ITSN1: variants seen among roughly 807,000 people sequenced by gnomAD.
The protein encoded by ITSN1 is intersectin 1.
ITSN1 carries 58 observed loss-of-function variants against 239.8 expected under a neutral mutation model. The observed-to-expected ratio is 0.24, with a 90% CI of 0.20 to 0.30. ITSN1 has a LOEUF of 0.30. ITSN1 is among the 10% of genes least tolerant of loss of function. The pLI is 1.00. For synonymous variants in ITSN1, 780 were observed against 770.8 expected, an observed-to-expected ratio of 1.01 and a Z score of -0.20; for missense variants, 1,558 against 2,103.3, an observed-to-expected ratio of 0.74 and a Z score of 5.07.
intron 1 of ITSN1, among the ~76,000 whole-genome samples, chr21:33,713,351 T>C (rs1029264589): frequency 2.6e-5 from 4 of 151,758 alleles, no homozygotes; most frequent in Admixed American, 2.0e-4. Flanking sequence ...GCCATTCTCC[T>C]GCCTCAGCCT....
At chr21:33,724,212 T>G (rs1436307665) in intron 4 of ITSN1, among the ~76,000 whole-genome samples, 1 of 152,196 alleles carries the variant, frequency 6.6e-6, no homozygotes, top group African/African-American at 2.4e-5. Flanking sequence ...GTCAGCATAT[T>G]GGCCGCCAGA....
At chr21:33,726,156 C>T (rs2065820795) in intron 4 of ITSN1, among the ~76,000 whole-genome samples, 1 of 152,034 alleles carries the variant, frequency 6.6e-6, no homozygotes, top group Non-Finnish European at 1.5e-5. Context: ...ACCATGCCCG[C>T]CTAACCTTTG....
chr21:33,813,741 T>C (rs532343188), intron 21 of ITSN1, among the ~76,000 whole-genome samples, 172 bp from the exon 22 acceptor site: 39 of 151,254 alleles, frequency 2.6e-4, no homozygotes, highest in Admixed American at 4.7e-4. Context: ...TTTTCTTTTT[T>C]CTTTTTTTCC....
At chr21:33,709,809 A>G (rs1446875925) in intron 1 of ITSN1, among the ~76,000 whole-genome samples, 1 of 152,134 alleles carries the variant, frequency 6.6e-6, no homozygotes, top group Admixed American at 6.6e-5. Context: ...TGATATCTGT[A>G]AATAAGGAGA....
intron 7 of ITSN1, among the ~76,000 whole-genome samples, chr21:33,753,247 T>TAAA (rs1449184177): frequency 6.6e-6 from 1 of 152,100 alleles, no homozygotes; most frequent in Non-Finnish European, 1.5e-5. Context: ...TTAATTGCGG[T>TAAA]TTTACCCTTA....
rs1296225115 is a variant in ITSN1 at position 33,895,254 on chromosome 21, C to T, written c.*6954C>T. 6.6e-6 allele frequency: 1 copy of T among 152,312 alleles called. No homozygotes were observed. The highest frequency in any genetic ancestry group is 1.5e-5 in the Non-Finnish European group (1 of 68,118). The allele number at this position is 152,312 out of a possible 1,614,324, so 9.4% of individuals were successfully genotyped here. On this transcript the variant is annotated 3_prime_UTR_variant, in exon 40 of 40. Coordinates refer to ENST00000381318, the MANE Select transcript of ITSN1 (RefSeq NM_003024.3). ...GCTGGGTGGACTGCAGGGCAGGTGA[C>T]CTGGAGGAGGCCCTGCTCCCCAGCA...
At chr21:33,711,651 G>GT (rs774512807) in intron 1 of ITSN1, among the ~76,000 whole-genome samples, 2 of 107,612 alleles carry the variant, frequency 1.9e-5, no homozygotes, top group Admixed American at 9.7e-5. Context: ...TTTTCTGTGT[G>GT]TTGTGTGTGT....
chr21:33,897,929 A>G lies in ITSN1; in HGVS notation c.*9629A>G, dbSNP rs1411290827. 6.6e-6 allele frequency: 1 copy of G among 152,198 alleles called. No homozygotes were observed. The highest frequency in any genetic ancestry group is 2.1e-4 in the South Asian group (1 of 4,828). 9.4% of individuals were successfully genotyped at this position (152,198 alleles called of 1,614,324 possible). A position where few individuals can be genotyped will look rare whatever the true frequency, so the allele number is the denominator to read the frequency against. ...AGTCATTTTTTTTCCTGCAGGAAAT[A>G]TGATAAATTTCAGTGTAATGGATGG... On this transcript the variant is annotated 3_prime_UTR_variant, in exon 40 of 40. Coordinates refer to ENST00000381318, the MANE Select transcript of ITSN1 (RefSeq NM_003024.3).
At chr21:33,662,094 C>T (rs1043614219) in intron 1 of ITSN1, among the ~76,000 whole-genome samples, 1 of 152,052 alleles carries the variant, frequency 6.6e-6, no homozygotes, top group African/African-American at 2.4e-5. Context: ...GTTGACCTTC[C>T]CCTTTTCCTC....
At chr21:33,700,951 C>CTGTGTGTGTGTGTGTGTGTG (rs72389168) in intron 1 of ITSN1, among the ~76,000 whole-genome samples, 27 of 141,862 alleles carry the variant, frequency 1.9e-4, no homozygotes, top group African/African-American at 5.6e-4. Flanking sequence ...TTTCTTTTTT[C>CTGTGTGTGTGTGTGTGTGTG]TGTGTGTGTG....
chr21:33,860,163 C>T (rs1464429077), intron 31 of ITSN1, among the ~76,000 whole-genome samples: 5 of 151,714 alleles, frequency 3.3e-5, no homozygotes, highest in South Asian at 2.1e-4. Context: ...AAAAAGTAGC[C>T]GGGTGTGGTT....
Position 33,882,527 on chromosome 21 carries a change from G to A in ITSN1, c.4554+72G>A, listed in dbSNP as rs1985093286. 7.3e-7 allele frequency: 1 copy of A among 1,378,496 alleles called. No homozygotes were observed. Among genetic ancestry groups the A allele is most frequent in the African/African-American group, 1.4e-5 (1 of 69,720 alleles). The allele number at this position is 1,378,496 out of a possible 1,614,324, so 85.4% of individuals were successfully genotyped here. A position where few individuals can be genotyped will look rare whatever the true frequency, so the allele number is the denominator to read the frequency against. ...GGAGGAAGAAGTTTCCAAAAAGGAG[G>A]TAGAGTTTTAGCAGGGTCAGGGGCT... On this transcript the variant is annotated intron_variant, in intron 35 of 39. Coordinates refer to ENST00000381318, the MANE Select transcript of ITSN1 (RefSeq NM_003024.3). This position sits in a 1 kb window ranked among gnomAD's most constrained non-coding sequence, Gnocchi z 4.5.
chr21:33,718,361 C>T (rs2065288845), intron 1 of ITSN1, among the ~76,000 whole-genome samples: 1 of 152,114 alleles, frequency 6.6e-6, no homozygotes, highest in Admixed American at 6.5e-5. Flanking sequence ...GTTCAGCCTA[C>T]CATAGATTGA....
intron 1 of ITSN1, among the ~76,000 whole-genome samples, chr21:33,707,772 A>T (rs1270721085): frequency 2.6e-5 from 4 of 152,186 alleles, no homozygotes; most frequent in Non-Finnish European, 5.9e-5. Flanking sequence ...GGATGGATAG[A>T]TCATCATTTG....
chr21:33,760,115 A>AAAAG (rs370660308), intron 8 of ITSN1, among the ~76,000 whole-genome samples: 3,760 of 151,726 alleles, frequency 0.025, 160 homozygotes, highest in African/African-American at 0.088. Context: ...CTCAAAAAAA[A>AAAAG]AAAAGAAAAG....
intron 1 of ITSN1, 145 bp from the exon 2 acceptor site, chr21:33,718,652 C>T (rs1167074050): frequency 6.2e-6 from 4 of 644,720 alleles, no homozygotes; most frequent in East Asian, 2.9e-5. Context: ...AAAAGTAACA[C>T]GTGAATGAAT....
chr21:33,837,702 C>CT, intron 29 of ITSN1: 1 of 985,744 alleles, frequency 1.0e-6, no homozygotes, highest in Non-Finnish European at 1.2e-6. Context: ...AAGCTATTAC[C>CT]TTGTACGATG....
At chr21:33,675,411 C>G (rs751054940) in intron 1 of ITSN1, among the ~76,000 whole-genome samples, 5 of 151,840 alleles carry the variant, frequency 3.3e-5, no homozygotes, top group African/African-American at 9.7e-5. Context: ...AAAAAAAATA[C>G]AAAAAATTAG....
chr21:33,861,132 TCAAA>T (rs1418537628), intron 31 of ITSN1, among the ~76,000 whole-genome samples: 5 of 152,226 alleles, frequency 3.3e-5, no homozygotes, highest in Non-Finnish European at 7.3e-5. Context: ...AGAAAAAATC[TCAAA>T]CATACAGAAA....
Sources: allele counts gnomAD v4.1 joint callset (sites outside exome capture counted in the v4.1 genomes callset), GRCh38; gene constraint gnomAD v4.1.1; non-coding constraint Gnocchi (gnomAD v3.1); transcripts MANE v1.5; gene names NCBI Gene and HGNC (gene_info 2026-07-23, HGNC 2026-07-21).